Variants in ABCC12 observed in about 807,000 individuals in gnomAD.
ABCC12 encodes the protein ATP-binding cassette sub-family C member 12.
In ABCC12, 142 loss-of-function variants were observed where a neutral mutation model predicts 151.1. The observed-to-expected ratio is 0.94, with a 90% CI of 0.82 to 1.08. The LOEUF is 1.08. ABCC12 is among the 50% of genes least tolerant of loss of function. The pLI, the probability that ABCC12 is intolerant of heterozygous loss-of-function variation, is 0.00. For synonymous variants in ABCC12, 645 were observed against 646.4 expected, an observed-to-expected ratio of 1.00 and a Z score of 0.03; for missense variants, 1,638 against 1,691.1, an observed-to-expected ratio of 0.97 and a Z score of 0.55.
In ABCC12 at chr16:48,083,770, G is replaced by A; in HGVS notation, c.4025C>T (p.Ala1342Val). 1 of 1,614,208 alleles carries A rather than the reference G, an allele frequency of 6.2e-7. No homozygotes were observed. Among genetic ancestry groups the A allele is most frequent in the Non-Finnish European group, 8.5e-7 (1 of 1,180,038 alleles). The change falls in exon 31 of 31, where the codon GCA (alanine) becomes GTA (valine). Residue 1342 changes from alanine (A) to valine (V), a missense_variant. By Grantham distance (64) the Ala-to-Val change is moderately conservative. Coordinates refer to ENST00000311303, the MANE Select transcript of ABCC12 (RefSeq NM_001393797.1). ...CGCAAATGCAGAATCTGGCTTCTCT[G>A]CAAGGACTTCAGGCTTGTCAAACTC... ...VIEFDKPEVLAEKPDSAFAML... is the reference protein window; with the variant it reads ...VIEFDKPEVLVEKPDSAFAML...
intron 2 of ABCC12, among the ~76,000 whole-genome samples, chr16:48,152,045 A>C (rs1292412173): frequency 1.3e-5 from 2 of 152,214 alleles, no homozygotes; most frequent in African/African-American, 4.8e-5. Context: ...CTTAGGTAAG[A>C]GTCGAGACAA....
chr16:48,111,868 C>T lies in ABCC12; in HGVS notation c.2032G>A (p.Glu678Lys), dbSNP rs986366449. Reference sequence around the variant, plus strand: ...TTGTGGGTTCCCTTTTCACAAATCTCTCCATCTTCTAATAAAATAACTTCA... The same window carrying T: ...TTGTGGGTTCCCTTTTCACAAATCTTTCCATCTTCTAATAAAATAACTTCA... ...CDEVILLEDG[E>K]ICEKGTHKEL... is the part of the protein sequence containing the mutation. The change falls in exon 16 of 31, where the codon GAG becomes AAG. Residue 678 changes from glutamate to lysine, a missense_variant. By Grantham distance (56) the Glu-to-Lys change is moderately conservative (BLOSUM62 1). Transcript: ENST00000311303. The T allele has an allele frequency of 4.3e-6, 7 of 1,614,036 alleles. No individual in the cohort carries two copies. The highest frequency in any genetic ancestry group is 1.3e-5 in the African/African-American group (1 of 74,910).
At position 48,115,495 on chromosome 16, in the gene ABCC12, C is replaced by A. The variant is rs147110729; in HGVS notation, c.1909G>T (p.Val637Leu). The A allele has an allele frequency of 7.1e-5, 114 of 1,614,120 alleles. No individual in the cohort carries two copies. The highest frequency in any genetic ancestry group is 9.3e-5 in the Non-Finnish European group (110 of 1,180,050). The change falls in exon 15 of 31, where the codon GTG (valine) becomes TTG (leucine). Residue 637 changes from valine to leucine, a missense_variant. By Grantham distance (32) the Val-to-Leu change is conservative. Coordinates refer to ENST00000311303, the MANE Select transcript of ABCC12 (RefSeq NM_001393797.1). ...DDPLSAVDAH[V>L]GKHVFEECIK... ...CACTCCTCAAAGACGTGCTTCCCCA[C>A]GTGGGCGTCCACGGCCGACAGGGGG... is the stretch of plus-strand genomic sequence containing the variant.
In ABCC12 at chr16:48,155,584, G is replaced by A. The variant is rs547509007; in HGVS notation, c.-320+257C>T. 1.1e-4 allele frequency among the ~76,000 whole-genome samples: 16 copies of A among 152,272 alleles called. No homozygotes were observed. The South Asian group carries it at 1.7e-3, about 16-fold the overall frequency. On this transcript the variant is annotated intron_variant, in intron 1 of 30. Coordinates refer to ENST00000311303, the MANE Select transcript of ABCC12 (RefSeq NM_001393797.1). ...TGTATTTCAGAGATTTTGAAATCGC[G>A]TCTTGGCATTTCTGCCTTTTCTTTT...
At chr16:48,153,033 T>C (rs1450199523) in intron 2 of ABCC12, among the ~76,000 whole-genome samples, 1 of 152,234 alleles carries the variant, frequency 6.6e-6, no homozygotes, top group Non-Finnish European at 1.5e-5. Flanking sequence ...CGCCTGACCC[T>C]CTTCCAAGTG....
At chr16:48,139,121 T>A (rs750484107) in intron 7 of ABCC12, 42 bp downstream of exon 7, 1 of 1,535,764 alleles carries the variant, frequency 6.5e-7, no homozygotes, top group Non-Finnish European at 8.7e-7. Flanking sequence ...GTGTGTGAAA[T>A]GCAAATACAA....
chr16:48,117,975 T>C (rs756698281), intron 13 of ABCC12, among the ~76,000 whole-genome samples: 7 of 152,172 alleles, frequency 4.6e-5, no homozygotes, highest in Admixed American at 1.3e-4. Context: ...ACTCCTGCTC[T>C]TTGGGCCTCT....
chr16:48,117,162 T>C (rs1963910425), intron 14 of ABCC12, 99 bp downstream of exon 14: 1 of 1,160,854 alleles, frequency 8.6e-7, no homozygotes, highest in South Asian at 1.6e-5. Flanking sequence ...CCTTGGGGCA[T>C]CTGGATGTGG....
chr16:48,087,462 C>T (rs979748387), intron 27 of ABCC12: 9 of 156,174 alleles, frequency 5.8e-5, no homozygotes, highest in Non-Finnish European at 1.1e-4. Context: ...CCCTACTGTT[C>T]TTGTGCTTGA....
intron 3 of ABCC12, among the ~76,000 whole-genome samples, chr16:48,145,992 A>G (rs1177241511): frequency 6.6e-6 from 1 of 152,210 alleles, no homozygotes; most frequent in Admixed American, 6.5e-5. Flanking sequence ...TTCCTCACCT[A>G]TCAGATAAAG....
At chr16:48,141,524 G>C (rs1262372515) in intron 4 of ABCC12, among the ~76,000 whole-genome samples, 171 bp from the exon 5 acceptor site, 2 of 152,242 alleles carry the variant, frequency 1.3e-5, no homozygotes, top group African/African-American at 4.8e-5. Flanking sequence ...TGGGATTTGG[G>C]AAGGGCAGGG....
At position 48,124,239 on chromosome 16, in the gene ABCC12, A is replaced by G. The variant is rs1390039825; in HGVS notation, c.1561T>C (p.Ser521Pro). 1 of 1,614,174 alleles carries G rather than the reference A, an allele frequency of 6.2e-7. No individual in the cohort carries two copies. Among genetic ancestry groups the G allele is most frequent in the East Asian group, 2.2e-5 (1 of 44,878 alleles). The part of the protein sequence containing the change: ...ICGNVGSGKS[S>P]LLAALLGQMQ... ...TGTCCTAGGAGAGCTGCAAGGAGGG[A>G]GCTCTTTCCACTTCCCACATTCCCA... The change falls in exon 12 of 31, where the codon TCC (serine) becomes CCC (proline). Residue 521 changes from serine (S) to proline (P), a missense_variant. Physicochemically the swap from Ser to Pro is moderately conservative, Grantham distance 74 (BLOSUM62 -1). Transcript: ENST00000311303.
rs908228759 is a variant in ABCC12 at position 48,138,662 on chromosome 16, C to CT, written c.832-288dup. ...ACTTCCTAGAGCATTCAAATTCAAGCTTTTTTTAAAAACCTTCACTGTGGC... is the reference window on the plus strand; with the variant it reads ...ACTTCCTAGAGCATTCAAATTCAAGCTTTTTTTTAAAAACCTTCACTGTGGC... On this transcript the variant is annotated intron_variant, in intron 7 of 30. Transcript: ENST00000311303. Among the ~76,000 whole-genome samples the CT allele has an allele frequency of 8.5e-5, 13 of 152,184 alleles. No homozygotes were observed. The East Asian group carries it at 2.3e-3, about 27-fold the overall frequency.
At chr16:48,084,743 G>A (rs1224722006) in intron 29 of ABCC12, among the ~76,000 whole-genome samples, 1 of 152,026 alleles carries the variant, frequency 6.6e-6, no homozygotes, top group Non-Finnish European at 1.5e-5. Context: ...AGTCCCTTTT[G>A]CCAGGTAAGT....
chr16:48,142,975 G>A (rs1964870186), intron 4 of ABCC12, among the ~76,000 whole-genome samples: 1 of 152,180 alleles, frequency 6.6e-6, no homozygotes. Context: ...TAGAGCAGGA[G>A]CATGGGAGAG....
chr16:48,133,746 C>CTATGGTG lies in ABCC12; in HGVS notation c.1062_1068dup (p.Ala357HisfsTer25). The CTATGGTG allele has an allele frequency of 6.2e-7, 1 of 1,614,086 alleles. No homozygotes were observed. Among genetic ancestry groups the CTATGGTG allele is most frequent in the South Asian group, 1.1e-5 (1 of 91,080 alleles). On this transcript the variant is annotated frameshift_variant, in exon 9 of 31. Coordinates refer to ENST00000311303, the MANE Select transcript of ABCC12 (RefSeq NM_001393797.1). LOFTEE classifies it high-confidence loss of function. The stretch of plus-strand genomic sequence containing the variant: ...TGGCAGGATAATGTCAGCACGATGG[C>CTATGGTG]TATGGTGGACACGATGGGGGCCAGG...
At chr16:48,084,691 A>G (rs1203135756) in intron 29 of ABCC12, among the ~76,000 whole-genome samples, 1 of 152,110 alleles carries the variant, frequency 6.6e-6, no homozygotes, top group African/African-American at 2.4e-5. Flanking sequence ...ACCCAGATCT[A>G]GGATCATCTC....
chr16:48,149,303 A>G (rs376040991), intron 2 of ABCC12, among the ~76,000 whole-genome samples: 115 of 151,912 alleles, frequency 7.6e-4, no homozygotes, highest in African/African-American at 2.6e-3. Flanking sequence ...CACAAAAGGA[A>G]TAAATAGAAG....
In ABCC12 at chr16:48,103,651, C is replaced by T. The variant is rs147482449; in HGVS notation, c.2900+491G>A. Among the ~76,000 whole-genome samples, 51 of 152,242 alleles carry T rather than the reference C, an allele frequency of 3.3e-4. No individual in the cohort carries two copies. The East Asian group carries it at 9.5e-3, about 28-fold the overall frequency. ...CCCACCATGCTACCTGCTAGGAACC[C>T]CAGCTCACCCCAGGAACAGCAGGGA... On this transcript the variant is annotated intron_variant, in intron 22 of 30. Transcript: ENST00000311303.
Sources: gnomAD v4.1 joint callset for allele counts (sites outside exome capture counted in the v4.1 genomes callset) on GRCh38, gnomAD v4.1.1 for gene constraint, MANE v1.5 for transcripts, NCBI Gene and HGNC (gene_info 2026-07-23, HGNC 2026-07-21) for gene names.